Variants in SGCZ observed in about 807,000 individuals in gnomAD.
The protein encoded by SGCZ is sarcoglycan zeta, also known as zeta-sarcoglycan.
In SGCZ, 40 loss-of-function variants were observed where a neutral mutation model predicts 41.3. The ratio of observed to expected loss-of-function variants is 0.97; its 90% CI spans 0.75 to 1.26. The LOEUF (loss-of-function observed/expected upper bound fraction) is 1.26, where lower values mean the gene tolerates loss of function less well. Ranked by LOEUF, SGCZ falls within the 50% of genes most tolerant of loss-of-function variation. The pLI is 0.00. For missense variants in SGCZ, 552 were observed against 369.8 expected (o/e 1.49, Z -4.04); for synonymous variants, 206 against 137.5 (o/e 1.50, Z -3.49).
chr8:14,883,681 T>C (rs1169399853), intron 1 of SGCZ, among the ~76,000 whole-genome samples: 5 of 151,988 alleles, frequency 3.3e-5, no homozygotes, highest in Non-Finnish European at 7.4e-5. Flanking sequence ...CCAGCTTGGT[T>C]TCTAGATTTC....
At chr8:15,120,782 T>C (rs1807449467) in intron 1 of SGCZ, among the ~76,000 whole-genome samples, 1 of 152,210 alleles carries the variant, frequency 6.6e-6, no homozygotes, top group South Asian at 2.1e-4. Flanking sequence ...ATTTTGTTGA[T>C]TTTCCCAAAT....
At chr8:14,895,926 G>A (rs1409976423) in intron 1 of SGCZ, among the ~76,000 whole-genome samples, 1 of 152,062 alleles carries the variant, frequency 6.6e-6, no homozygotes, top group African/African-American at 2.4e-5. Flanking sequence ...GTGTATATAG[G>A]GTTGAGACTC....
chr8:14,275,993 C>G (rs1800214939), intron 3 of SGCZ, among the ~76,000 whole-genome samples: 2 of 152,188 alleles, frequency 1.3e-5, no homozygotes, highest in Admixed American at 1.3e-4. Flanking sequence ...ACAGTGTCTC[C>G]CAAGTCCTAG....
intron 1 of SGCZ, among the ~76,000 whole-genome samples, chr8:14,794,329 T>C (rs1801053037): frequency 2.0e-5 from 3 of 152,194 alleles, no homozygotes; most frequent in African/African-American, 2.4e-5. Context: ...CAGTCATGAA[T>C]ATCAAGAGAA....
intron 1 of SGCZ, among the ~76,000 whole-genome samples, chr8:14,925,934 G>A (rs76102482): frequency 0.015 from 2,236 of 152,260 alleles, 20 homozygotes; most frequent in Non-Finnish European, 0.022. Flanking sequence ...GTGACAACAG[G>A]GCAGAGATGT....
rs1554452836 is a variant in SGCZ, at chr8:14,086,284, T to C, written c.*4159A>G. ...TGATTTTAATAATTTAACATTATTATGTTGACATTCTCTGCTATGAAATAT... is the reference window on the plus strand; with the variant it reads ...TGATTTTAATAATTTAACATTATTACGTTGACATTCTCTGCTATGAAATAT... On this transcript the variant is annotated 3_prime_UTR_variant, in exon 8 of 8. Transcript: ENST00000382080. Among the ~76,000 whole-genome samples, 1 of 151,734 alleles carries C rather than the reference T, an allele frequency of 6.6e-6. No homozygotes were observed. The highest frequency in any genetic ancestry group is 1.5e-5 in the Non-Finnish European group (1 of 67,752).
intron 4 of SGCZ, among the ~76,000 whole-genome samples, chr8:14,169,406 A>G (rs1358642468): frequency 2.0e-5 from 3 of 152,102 alleles, no homozygotes; most frequent in Non-Finnish European, 4.4e-5. Flanking sequence ...CCAATCAGGC[A>G]TTATCTCGTC....
chr8:14,180,767 T>G (rs2117022122), intron 4 of SGCZ, among the ~76,000 whole-genome samples: 1 of 152,028 alleles, frequency 6.6e-6, no homozygotes, highest in Admixed American at 6.6e-5. Flanking sequence ...CAAGCCATGC[T>G]CCTGAAGCAG....
At chr8:14,910,134 T>G (rs546985659) in intron 1 of SGCZ, among the ~76,000 whole-genome samples, 43 of 152,218 alleles carry the variant, frequency 2.8e-4, no homozygotes, top group African/African-American at 1.0e-3. Flanking sequence ...CTATAAAACT[T>G]ATGACCCTAT....
At chr8:14,348,287 C>A (rs1802961128) in intron 2 of SGCZ, among the ~76,000 whole-genome samples, 1 of 152,112 alleles carries the variant, frequency 6.6e-6, no homozygotes. Context: ...GAGATGGTTT[C>A]TTTGCAGCTT....
chr8:14,222,900 A>G (rs1365269616), intron 4 of SGCZ, among the ~76,000 whole-genome samples: 1 of 135,602 alleles, frequency 7.4e-6, no homozygotes, highest in African/African-American at 2.7e-5. Context: ...TAACCTCTAC[A>G]TGCCGGGTTC....
intron 1 of SGCZ, among the ~76,000 whole-genome samples, chr8:14,875,555 C>T (rs960128995): frequency 2.6e-5 from 4 of 152,062 alleles, no homozygotes; most frequent in Admixed American, 2.0e-4. Context: ...ACGAAAAGCA[C>T]GTGTTAAGAG....
chr8:15,092,443 G>C (rs1806188763), intron 1 of SGCZ, among the ~76,000 whole-genome samples: 1 of 152,104 alleles, frequency 6.6e-6, no homozygotes, highest in African/African-American at 2.4e-5. Flanking sequence ...TAGTAATTTG[G>C]AAGTGGGAAA....
At chr8:15,058,207 T>A (rs1353645041) in intron 1 of SGCZ, among the ~76,000 whole-genome samples, 14 of 152,190 alleles carry the variant, frequency 9.2e-5, no homozygotes, top group Non-Finnish European at 1.3e-4. Flanking sequence ...AGTCTTTTTT[T>A]AAAAGGGGTG....
At chr8:14,595,428 C>CAA (rs1805379349) in intron 1 of SGCZ, among the ~76,000 whole-genome samples, 1 of 151,490 alleles carries the variant, frequency 6.6e-6, no homozygotes, top group Non-Finnish European at 1.5e-5. Flanking sequence ...CACACACACA[C>CAA]ACACACACAC....
intron 4 of SGCZ, among the ~76,000 whole-genome samples, chr8:14,201,948 T>A (rs1805468649): frequency 6.6e-6 from 1 of 152,192 alleles, no homozygotes; most frequent in African/African-American, 2.4e-5. Flanking sequence ...AAAATATATG[T>A]AAGACTTAAA....
At chr8:14,240,945 A>C (rs576770222) in intron 3 of SGCZ, among the ~76,000 whole-genome samples, 24 of 152,328 alleles carry the variant, frequency 1.6e-4, no homozygotes, top group African/African-American at 5.8e-4. Context: ...TACAATCCTA[A>C]GCAATTCATA....
intron 1 of SGCZ, among the ~76,000 whole-genome samples, chr8:14,574,191 C>T (rs1035694130): frequency 1.3e-5 from 2 of 152,042 alleles, no homozygotes; most frequent in East Asian, 1.9e-4. Context: ...AGCCAAGATG[C>T]GGATGTTGGG....
Position 15,047,952 on chromosome 8 carries a change from A to G in SGCZ, c.39+189633T>C, listed in dbSNP as rs202066728. Among the ~76,000 whole-genome samples, 4 of 152,030 alleles carry G rather than the reference A, an allele frequency of 2.6e-5. No homozygotes were observed. In the East Asian group the frequency reaches 7.7e-4, roughly 29 times the overall value. Reference sequence around the variant, plus strand: ...GGTTTCTCAGACAATTAAAAATAGAACTACCATATGATCCAGCAACCCCAC... The same window carrying G: ...GGTTTCTCAGACAATTAAAAATAGAGCTACCATATGATCCAGCAACCCCAC... On this transcript the variant is annotated intron_variant, in intron 1 of 7. Coordinates refer to ENST00000382080, the MANE Select transcript of SGCZ (RefSeq NM_139167.4).
Sources: gnomAD v4.1 joint callset for allele counts (sites outside exome capture counted in the v4.1 genomes callset) on GRCh38, gnomAD v4.1.1 for gene constraint, MANE v1.5 for transcripts, NCBI Gene and HGNC (gene_info 2026-07-23, HGNC 2026-07-21) for gene names.